The following NBEA variants were observed in gnomAD, a reference collection of about 807,000 sequenced individuals.
NBEA encodes the protein lysosomal-trafficking regulator 2.
NBEA carries 44 observed loss-of-function variants against 343.4 expected under a neutral mutation model. That is an observed-to-expected ratio of 0.13 (90% confidence interval 0.10 to 0.16). NBEA has a LOEUF of 0.16. NBEA is among the 10% of genes least tolerant of loss of function. The pLI is 1.00. For missense variants in NBEA, 2,555 were observed against 3,631.3 expected, an observed-to-expected ratio of 0.70 and a Z score of 7.62; for synonymous variants, 1,175 against 1,238.7, an observed-to-expected ratio of 0.95 and a Z score of 1.08.
chr13:35,607,330 A>G (rs564536610), intron 48 of NBEA, among the ~76,000 whole-genome samples: 1 of 152,298 alleles, frequency 6.6e-6, no homozygotes, highest in East Asian at 1.9e-4. Flanking sequence ...AGAAAACATC[A>G]TTATTTTAAG....
chr13:35,145,073 T>C (rs1593498361), intron 18 of NBEA, among the ~76,000 whole-genome samples: 1 of 152,178 alleles, frequency 6.6e-6, no homozygotes. Flanking sequence ...TAATCCTGAA[T>C]TGTTAATATA....
intron 39 of NBEA, among the ~76,000 whole-genome samples, chr13:35,446,723 A>G (rs577155807): frequency 1.3e-5 from 2 of 152,320 alleles, no homozygotes; most frequent in Non-Finnish European, 2.9e-5. Context: ...GCTTTAAACC[A>G]TATGTTTAAA....
chr13:35,217,507 A>G (rs920032536), intron 33 of NBEA, among the ~76,000 whole-genome samples: 2 of 151,918 alleles, frequency 1.3e-5, no homozygotes, highest in African/African-American at 4.8e-5. Flanking sequence ...AAGTTGTTTT[A>G]CTTTTAAGTC....
chr13:35,573,810 T>C (rs571303333), intron 45 of NBEA, among the ~76,000 whole-genome samples: 29 of 152,340 alleles, frequency 1.9e-4, no homozygotes, highest in African/African-American at 7.0e-4. Flanking sequence ...GCCTGCTTTA[T>C]GCACTTTAAT....
chr13:35,512,629 C>T (rs1420729675), intron 41 of NBEA, among the ~76,000 whole-genome samples: 2 of 152,184 alleles, frequency 1.3e-5, no homozygotes, highest in Non-Finnish European at 2.9e-5. Context: ...ATCTTGGCTC[C>T]CTGGCCTCTC....
chr13:35,048,786 C>T (rs1430699029), intron 5 of NBEA, 102 bp downstream of exon 5: 26 of 628,118 alleles, frequency 4.1e-5, no homozygotes, highest in East Asian at 8.7e-5. Flanking sequence ...TATATATGTG[C>T]GTATAATATA....
intron 8 of NBEA, among the ~76,000 whole-genome samples, chr13:35,065,799 GT>G (rs926712799): frequency 3.9e-5 from 6 of 152,020 alleles, no homozygotes; most frequent in Non-Finnish European, 2.9e-5. Flanking sequence ...TTAGGAATGT[GT>G]TTATTTCCAC....
At chr13:35,653,520 A>C (rs1474600681) in intron 53 of NBEA, among the ~76,000 whole-genome samples, 1 of 151,912 alleles carries the variant, frequency 6.6e-6, no homozygotes, top group African/African-American at 2.4e-5. Context: ...TAGTAGAGAC[A>C]GGGTTTCACC....
intron 38 of NBEA, among the ~76,000 whole-genome samples, chr13:35,364,656 G>A (rs561393998): frequency 1.3e-5 from 2 of 151,746 alleles, no homozygotes; most frequent in Non-Finnish European, 3.0e-5. Flanking sequence ...TGGTAATCAG[G>A]AGATTATGAA....
At chr13:35,196,511 A>G (rs2072611996) in intron 31 of NBEA, among the ~76,000 whole-genome samples, 1 of 152,148 alleles carries the variant, frequency 6.6e-6, no homozygotes, top group Non-Finnish European at 1.5e-5. Context: ...TATGATGGAT[A>G]GCACATTGAA....
chr13:35,237,703 T>A lies in NBEA; in HGVS notation c.5776+5084T>A, dbSNP rs377086093. On this transcript the variant is annotated intron_variant, in intron 34 of 58. Coordinates refer to ENST00000379939, the MANE Select transcript of NBEA (RefSeq NM_001385012.1). ...ATTTAGGTAACTGAAGATACTTTAATGTCTATGAAAAGAAAAAGCAATTAC... is the reference window on the plus strand; with the variant it reads ...ATTTAGGTAACTGAAGATACTTTAAAGTCTATGAAAAGAAAAAGCAATTAC... Among the ~76,000 whole-genome samples, 3 of 152,322 alleles carry A rather than the reference T, an allele frequency of 2.0e-5. No homozygotes were observed. In the South Asian group the frequency reaches 6.2e-4, roughly 32 times the overall value.
chr13:35,165,038 A>G (rs565146424), intron 24 of NBEA: 9 of 532,348 alleles, frequency 1.7e-5, no homozygotes, highest in South Asian at 1.1e-4. Flanking sequence ...GGCAGACTCC[A>G]TAGCTACTTG....
intron 43 of NBEA, among the ~76,000 whole-genome samples, chr13:35,552,374 C>T (rs1208982995): frequency 2.0e-5 from 3 of 152,138 alleles, no homozygotes; most frequent in Admixed American, 6.5e-5. Context: ...TTCACTGACA[C>T]GTATACACAT....
At chr13:35,045,688 A>G (rs1322917653) in intron 4 of NBEA, among the ~76,000 whole-genome samples, 2 of 151,710 alleles carry the variant, frequency 1.3e-5, no homozygotes, top group Non-Finnish European at 1.5e-5. Flanking sequence ...TATAAATAAA[A>G]TCATACAGTA....
chr13:35,516,673 A>G (rs9634732), intron 41 of NBEA, among the ~76,000 whole-genome samples: 14,786 of 152,062 alleles, frequency 0.097, 1,613 homozygotes, highest in East Asian at 0.24. Flanking sequence ...TAGTTTTGAT[A>G]TGTGTCTTTT....
At chr13:34,991,872 A>T (rs1337475999) in intron 1 of NBEA, among the ~76,000 whole-genome samples, 1 of 152,096 alleles carries the variant, frequency 6.6e-6, no homozygotes, top group Non-Finnish European at 1.5e-5. Flanking sequence ...TCTTCTTTTA[A>T]ATTTAAAAAT....
At chr13:35,484,274 G>GTATA (rs202233951) in intron 41 of NBEA, among the ~76,000 whole-genome samples, 14 of 115,162 alleles carry the variant, frequency 1.2e-4, no homozygotes, top group Non-Finnish European at 2.0e-4. Flanking sequence ...GTGTGTGTGT[G>GTATA]TATATATATA....
chr13:35,044,415 T>TG (rs2062768085), intron 2 of NBEA, among the ~76,000 whole-genome samples: 2 of 152,314 alleles, frequency 1.3e-5, no homozygotes, highest in South Asian at 4.1e-4. Flanking sequence ...ATGTTTCACT[T>TG]GGAGTAAGTG....
chr13:35,558,334 TG>T (rs2079682169), intron 44 of NBEA, among the ~76,000 whole-genome samples: 2 of 152,152 alleles, frequency 1.3e-5, no homozygotes, highest in African/African-American at 4.8e-5. Flanking sequence ...TGAAGCCATT[TG>T]AGGTAGTCAA....
Sources: gnomAD v4.1 joint callset for allele counts (sites outside exome capture counted in the v4.1 genomes callset) on GRCh38, gnomAD v4.1.1 for gene constraint, MANE v1.5 for transcripts, NCBI Gene and HGNC (gene_info 2026-07-23, HGNC 2026-07-21) for gene names.